The following PRH1 variants were observed in gnomAD, a reference collection of about 807,000 sequenced individuals.
PRH1 encodes the protein salivary acidic proline-rich phosphoprotein 1/2.
A neutral mutation model predicts 7.9 loss-of-function variants in PRH1; 7 were observed. That is an observed-to-expected ratio of 0.89 (90% CI 0.50 to 1.67). PRH1 has a LOEUF of 1.67. PRH1 is among the 40% of genes most tolerant of loss of function. PRH1 has a pLI of 0.00. For missense variants in PRH1, 109 were observed against 223.6 expected, an observed-to-expected ratio of 0.49 and a Z score of 3.27; for synonymous variants, 45 against 80.8, an observed-to-expected ratio of 0.56 and a Z score of 2.38.
In PRH1 at chr12:11,110,361, AAT is replaced by A. The variant is rs149434379; in HGVS notation, n.123+61059_123+61060del. 3.3e-3 allele frequency among the ~76,000 whole-genome samples: 505 copies of A among 152,296 alleles called. 4 individuals are homozygous for A. Among genetic ancestry groups the A allele is most frequent in the Non-Finnish European group, 5.5e-3 (373 of 68,020 alleles). On this transcript the variant is annotated intron_variant and non_coding_transcript_variant, in intron 1 of 4. Transcript: ENST00000541977. ...TTGAGAAGAGCACCCAAAAATACAT[AAT>A]AGTCAGATTCACCAAGGTTGAAATG... is the stretch of plus-strand genomic sequence containing the variant.
intron 2 of PRH1, among the ~76,000 whole-genome samples, chr12:10,957,448 A>C (rs887305435): frequency 6.6e-6 from 1 of 152,046 alleles, no homozygotes; most frequent in Non-Finnish European, 1.5e-5. Flanking sequence ...AAAACCTAAA[A>C]CTATTTTTTT....
At chr12:10,897,623 G>T (rs998828247) in intron 2 of PRH1, among the ~76,000 whole-genome samples, 1 of 152,180 alleles carries the variant, frequency 6.6e-6, no homozygotes, top group African/African-American at 2.4e-5. Flanking sequence ...CTGTTTCTGG[G>T]GAGGCCTCAG....
intron 2 of PRH1, chr12:10,909,416 T>A (rs1949862138): frequency 2.9e-6 from 2 of 696,578 alleles, no homozygotes; most frequent in Admixed American, 6.0e-5. Context: ...TTTCTGCTCC[T>A]TCTTTCATTG....
chr12:10,986,541 A>C (rs745436761), intron 1 of PRH1: 7 of 1,614,022 alleles, frequency 4.3e-6, no homozygotes, highest in Non-Finnish European at 5.9e-6. Flanking sequence ...AATCTTGAGC[A>C]AATAAAATAT....
intron 1 of PRH1, among the ~76,000 whole-genome samples, chr12:10,883,758 G>GTGTTTA (rs1293466494): frequency 6.6e-6 from 1 of 152,174 alleles, no homozygotes; most frequent in Non-Finnish European, 1.5e-5. Context: ...GCTCTGACAT[G>GTGTTTA]TGTTTATCTC....
intron 2 of PRH1, among the ~76,000 whole-genome samples, chr12:10,936,992 A>G (rs1025083033): frequency 2.3e-4 from 35 of 152,166 alleles, no homozygotes; most frequent in African/African-American, 8.4e-4. Flanking sequence ...TTTAATTCAA[A>G]CCCCAGAACA....
intron 1 of PRH1, among the ~76,000 whole-genome samples, chr12:11,096,518 A>G (rs1945071966): frequency 8.6e-6 from 1 of 116,250 alleles, no homozygotes; most frequent in African/African-American, 2.9e-5. Flanking sequence ...AATGGTAATG[A>G]TATTTTTATT....
intron 1 of PRH1, among the ~76,000 whole-genome samples, chr12:11,007,440 T>C (rs1483103693): frequency 1.3e-5 from 2 of 152,150 alleles, no homozygotes; most frequent in Non-Finnish European, 2.9e-5. Context: ...CAGAATAATA[T>C]TTATCAAACA....
At chr12:11,104,901 T>C (rs1945365551) in intron 1 of PRH1, among the ~76,000 whole-genome samples, 1 of 151,940 alleles carries the variant, frequency 6.6e-6, no homozygotes, top group South Asian at 2.1e-4. Flanking sequence ...TCTATTCTTA[T>C]TCAGAATGTA....
At chr12:10,949,891 A>G (rs1353754191) in intron 2 of PRH1, among the ~76,000 whole-genome samples, 1 of 152,144 alleles carries the variant, frequency 6.6e-6, no homozygotes, top group East Asian at 1.9e-4. Context: ...AATCACTTAT[A>G]TGTTTCGTTT....
upstream of PRH1, among the ~76,000 whole-genome samples, chr12:10,884,719 C>T (rs540414374): frequency 9.9e-5 from 15 of 152,100 alleles, no homozygotes; most frequent in South Asian, 2.1e-3. Context: ...GATGTGTGTG[C>T]GTGGATATTT....
At chr12:10,967,738 C>T (rs1938579023) in intron 2 of PRH1, among the ~76,000 whole-genome samples, 1 of 151,840 alleles carries the variant, frequency 6.6e-6, no homozygotes, top group Non-Finnish European at 1.5e-5. Flanking sequence ...AAATGCCATT[C>T]CAATAAATAA....
intron 1 of PRH1, among the ~76,000 whole-genome samples, chr12:10,984,873 A>T (rs1458942513): frequency 6.6e-6 from 1 of 152,064 alleles, no homozygotes; most frequent in Non-Finnish European, 1.5e-5. Context: ...TCTATCATTA[A>T]TACATAGATT....
intron 1 of PRH1, among the ~76,000 whole-genome samples, chr12:11,170,740 G>A (rs995928046): frequency 6.6e-6 from 1 of 152,144 alleles, no homozygotes; most frequent in Non-Finnish European, 1.5e-5. Flanking sequence ...ACGCGTGTGT[G>A]TCCACTAGTT....
chr12:11,041,307 A>AAAAAAAAAAAAAAAAAAAAAAC (rs1565584500), intron 1 of PRH1, among the ~76,000 whole-genome samples: 2 of 97,208 alleles, frequency 2.1e-5, no homozygotes, highest in Non-Finnish European at 4.0e-5. Context: ...AAAAAAAAAA[A>AAAAAAAAAAAAAAAAAAAAAAC]AAAACAAAAA....
At chr12:10,984,447 T>C (rs1259113833) in intron 1 of PRH1, among the ~76,000 whole-genome samples, 1 of 151,708 alleles carries the variant, frequency 6.6e-6, no homozygotes, top group African/African-American at 2.4e-5. Flanking sequence ...GAAGTTTCAT[T>C]TTCATTGGTT....
chr12:11,038,354 A>G (rs1591863443), intron 1 of PRH1, among the ~76,000 whole-genome samples: 3 of 152,176 alleles, frequency 2.0e-5, no homozygotes, highest in East Asian at 3.9e-4. Context: ...ATCCCAATAT[A>G]TGTCTTCTTG....
chr12:11,133,732 T>C (rs753372841), intron 1 of PRH1: 4 of 1,614,068 alleles, frequency 2.5e-6, no homozygotes, highest in African/African-American at 2.7e-5. Flanking sequence ...AATGGTACAT[T>C]GCACTCCTCA....
intron 1 of PRH1, among the ~76,000 whole-genome samples, chr12:11,130,429 C>T (rs1303504844): frequency 6.6e-6 from 1 of 152,028 alleles, no homozygotes; most frequent in Non-Finnish European, 1.5e-5. Flanking sequence ...TGGGGGCCTA[C>T]TGGGATTTTG....
Sources: gnomAD v4.1 joint callset for allele counts (sites outside exome capture counted in the v4.1 genomes callset) on GRCh38, gnomAD v4.1.1 for gene constraint, MANE v1.5 for transcripts, NCBI Gene and HGNC (gene_info 2026-07-23, HGNC 2026-07-21) for gene names.